The following PARD3 variants were observed in gnomAD, a reference collection of about 807,000 sequenced individuals.
The protein encoded by PARD3 is par-3 family cell polarity regulator.
PARD3 carries 75 observed loss-of-function variants against 155.4 expected under a neutral mutation model. The observed-to-expected ratio is 0.48, with a 90% CI of 0.40 to 0.58. The LOEUF (loss-of-function observed/expected upper bound fraction) is 0.58. Ranked by LOEUF, PARD3 falls within the 20% of genes least tolerant of loss-of-function variation. The pLI is 0.00. For synonymous variants in PARD3, 576 were observed against 610.5 expected, an observed-to-expected ratio of 0.94 and a Z score of 0.83; for missense variants, 1,642 against 1,721.7, an observed-to-expected ratio of 0.95 and a Z score of 0.82.
chr10:34,275,625 A>T (rs1244821446), intron 21 of PARD3, among the ~76,000 whole-genome samples: 1 of 152,228 alleles, frequency 6.6e-6, no homozygotes, highest in Non-Finnish European at 1.5e-5. Context: ...ACACGACCAA[A>T]AGGTTATATT....
At chr10:34,261,785 GAAAGAAAGAAAGAAAGAAAGAAAGA>G (rs1955009675) in intron 22 of PARD3, among the ~76,000 whole-genome samples, 1 of 37,024 alleles carries the variant, frequency 2.7e-5, no homozygotes, top group Non-Finnish European at 7.6e-5. Context: ...AGAAAGAAAA[GAAAGAAAGAAAGAAAGAAAGAAAGA>G]AAGAAAGAAA....
intron 3 of PARD3, among the ~76,000 whole-genome samples, chr10:34,491,855 T>C (rs975431215): frequency 4.6e-5 from 7 of 152,104 alleles, no homozygotes; most frequent in Non-Finnish European, 7.4e-5. Context: ...CAAACAGAAT[T>C]CAACCCAGTC....
At chr10:34,776,819 C>A (rs1839589770) in intron 1 of PARD3, among the ~76,000 whole-genome samples, 1 of 103,644 alleles carries the variant, frequency 9.6e-6, no homozygotes, top group African/African-American at 3.9e-5. Context: ...CAAGTATTTT[C>A]AGTCGTGTTT....
chr10:34,284,755 A>G (rs567687057), intron 20 of PARD3, among the ~76,000 whole-genome samples: 1 of 152,354 alleles, frequency 6.6e-6, no homozygotes, highest in Admixed American at 6.5e-5. Context: ...TGCAAGGTTT[A>G]AAGTACAACA....
chr10:34,363,679 A>G (rs1839679840), intron 12 of PARD3, among the ~76,000 whole-genome samples: 1 of 152,216 alleles, frequency 6.6e-6, no homozygotes, highest in South Asian at 2.1e-4. Flanking sequence ...GCACCTTATC[A>G]ACTGTTTCTC....
At chr10:34,605,619 A>ATC (rs2090249399) in intron 2 of PARD3, among the ~76,000 whole-genome samples, 1 of 86,124 alleles carries the variant, frequency 1.2e-5, no homozygotes, top group Non-Finnish European at 2.0e-5. Flanking sequence ...CTATATATAT[A>ATC]TCTCCTATAT....
rs187501321 is a variant in PARD3 at position 34,116,306 on chromosome 10, G to A, written c.3668+3307C>T. Among the ~76,000 whole-genome samples, 398 of 152,208 alleles carry A rather than the reference G, an allele frequency of 2.6e-3. 5 individuals are homozygous for A. Among genetic ancestry groups the A allele is most frequent in the African/African-American group, 9.0e-3 (374 of 41,510 alleles). The stretch of plus-strand genomic sequence containing the variant: ...GCCCAGACCATTTGTTTTATTTTAC[G>A]CTCCACTTTGTAACTATACTTTTTT... On this transcript the variant is annotated intron_variant, in intron 24 of 24. Transcript: ENST00000374788.
intron 2 of PARD3, among the ~76,000 whole-genome samples, chr10:34,684,816 CACACACACACACACATATAT>C (rs1448469496): frequency 5.4e-5 from 6 of 111,242 alleles, no homozygotes; most frequent in South Asian, 2.6e-4. Flanking sequence ...CACACACACA[CACACACACACACACATATAT>C]ACACACACAC....
At chr10:34,332,996 C>G (rs947963036) in intron 18 of PARD3, among the ~76,000 whole-genome samples, 3 of 152,080 alleles carry the variant, frequency 2.0e-5, no homozygotes, top group South Asian at 4.1e-4. Flanking sequence ...GGATATTTAC[C>G]TTTATAGTTC....
intron 1 of PARD3, among the ~76,000 whole-genome samples, chr10:34,716,393 C>T (rs1401430919): frequency 1.3e-5 from 2 of 152,068 alleles, no homozygotes; most frequent in Non-Finnish European, 2.9e-5. Context: ...TGTATGGGAA[C>T]TCAGGCAAAA....
chr10:34,489,264 G>T (rs1209379398), intron 3 of PARD3, among the ~76,000 whole-genome samples: 5 of 152,168 alleles, frequency 3.3e-5, no homozygotes, highest in African/African-American at 9.7e-5. Flanking sequence ...AGAATCGTTT[G>T]AACTGGAAGG....
intron 2 of PARD3, among the ~76,000 whole-genome samples, chr10:34,695,434 C>T (rs1053191296): frequency 2.7e-5 from 4 of 149,224 alleles, no homozygotes; most frequent in Non-Finnish European, 4.4e-5. Flanking sequence ...GCCGAGATCA[C>T]GCCACTGCAT....
At chr10:34,568,335 T>C (rs571132170) in intron 2 of PARD3, among the ~76,000 whole-genome samples, 4 of 152,232 alleles carry the variant, frequency 2.6e-5, no homozygotes, top group South Asian at 4.1e-4. Context: ...GTTTCCATTA[T>C]TGGCAAATGA....
At chr10:34,151,794 A>G (rs1336850163) in intron 22 of PARD3, among the ~76,000 whole-genome samples, 1 of 152,234 alleles carries the variant, frequency 6.6e-6, no homozygotes, top group East Asian at 1.9e-4. Flanking sequence ...AGTTGGCTCC[A>G]TGATATGGCA....
At chr10:34,802,657 T>G (rs574369522) in intron 1 of PARD3, among the ~76,000 whole-genome samples, 1 of 152,290 alleles carries the variant, frequency 6.6e-6, no homozygotes, top group Non-Finnish European at 1.5e-5. Flanking sequence ...GGGATTTTAT[T>G]TCTTAAATTG....
Position 34,218,169 on chromosome 10 carries a change from A to C in PARD3, c.3419+51488T>G, listed in dbSNP as rs538621957. Among the ~76,000 whole-genome samples the C allele has an allele frequency of 7.2e-5, 11 of 152,302 alleles. No homozygotes were observed. In the South Asian group the frequency reaches 2.3e-3, roughly 32 times the overall value. ...TAACCTTCAGATGCTTGTAGTTTCC[A>C]AATTATGCTCTGAATCTCAGGACTT... On this transcript the variant is annotated intron_variant, in intron 22 of 24. Transcript: ENST00000374788.
At chr10:34,252,768 A>G (rs1041088969) in intron 22 of PARD3, among the ~76,000 whole-genome samples, 1 of 152,076 alleles carries the variant, frequency 6.6e-6, no homozygotes, top group African/African-American at 2.4e-5. Context: ...CTATATATAT[A>G]TATATGCATA....
chr10:34,774,587 G>A (rs1026851083), intron 1 of PARD3, among the ~76,000 whole-genome samples: 13 of 152,142 alleles, frequency 8.5e-5, no homozygotes, highest in Non-Finnish European at 1.5e-5. Context: ...TAAGTTAAAT[G>A]CACATGACAC....
At chr10:34,218,092 AG>A (rs1387170634) in intron 22 of PARD3, among the ~76,000 whole-genome samples, 1 of 152,088 alleles carries the variant, frequency 6.6e-6, no homozygotes. Context: ...TCACTCACAA[AG>A]GAGATTCAAG....
Sources: allele counts gnomAD v4.1 joint callset (sites outside exome capture counted in the v4.1 genomes callset), GRCh38; gene constraint gnomAD v4.1.1; transcripts MANE v1.5; gene names NCBI Gene and HGNC (gene_info 2026-07-23, HGNC 2026-07-21).